NRIP1: variants seen among roughly 807,000 people sequenced by gnomAD.
NRIP1 encodes nuclear receptor interacting protein 1.
NRIP1 carries 28 observed loss-of-function variants against 75.0 expected under a neutral mutation model. That is an observed-to-expected ratio of 0.37 (90% CI 0.28 to 0.51). NRIP1 has a LOEUF of 0.51. Among genes scored for constraint, NRIP1 ranks in the 20% least tolerant of loss-of-function variants. NRIP1 has a pLI of 0.92. For missense variants in NRIP1, 1,435 were observed against 1,343.7 expected (o/e 1.07, Z -1.06); for synonymous variants, 526 against 487.6 (o/e 1.08, Z -1.04).
At chr21:14,987,286 T>C (rs549228966) in intron 3 of NRIP1, among the ~76,000 whole-genome samples, 31 of 152,344 alleles carry the variant, frequency 2.0e-4, no homozygotes, top group African/African-American at 6.7e-4. Context: ...TCACATAGCC[T>C]AGCCACAGAG....
At chr21:15,007,936 A>G (rs1373179795) in intron 3 of NRIP1, among the ~76,000 whole-genome samples, 1 of 152,222 alleles carries the variant, frequency 6.6e-6, no homozygotes, top group Non-Finnish European at 1.5e-5. Context: ...AAACACTACG[A>G]GTAAAAACAG....
In NRIP1 at chr21:15,030,826, TAC is replaced by T. The variant is rs749139753; in HGVS notation, c.-458+12667_-458+12668del. Among the ~76,000 whole-genome samples, 22 of 146,136 alleles carry T rather than the reference TAC, an allele frequency of 1.5e-4. No individual in the cohort carries two copies. In the East Asian group the frequency reaches 1.7e-3, roughly 12 times the overall value. ...TCACGACATTCCCTTTCTATGTGTA[TAC>T]ACTCTGGAAGGCGGTTGGAGGATCA... On this transcript the variant is annotated intron_variant, in intron 2 of 3. Transcript: ENST00000318948.
Position 14,964,767 on chromosome 21 carries a change from T to C in NRIP1, c.3426A>G (p.Glu1142=), listed in dbSNP as rs201308622. 5.6e-4 allele frequency: 890 copies of C among 1,584,494 alleles called. 13 individuals carry two copies. The South Asian group carries it at 9.6e-3, about 17-fold the overall frequency. Residue 1142 remains glutamate (E), a synonymous_variant, in exon 4 of 4, where the codon GAA becomes GAG. Coordinates refer to ENST00000318948, the MANE Select transcript of NRIP1 (RefSeq NM_003489.4). ...GCACGCTTCCCAGAAGTCCATAAAC[T>C]TCTCCATTTGCGCTGTGTGGGCGAG... ...NASRPHSANG[E]VYGLLGSVLT...
At position 15,037,363 on chromosome 21, in the gene NRIP1, A is replaced by G. The variant is rs17000797; in HGVS notation, c.-458+6132T>C. Among the ~76,000 whole-genome samples, 1,047 of 152,314 alleles carry G rather than the reference A, an allele frequency of 6.9e-3. 7 individuals are homozygous for G. Among genetic ancestry groups the G allele is most frequent in the African/African-American group, 0.023 (957 of 41,574 alleles). On this transcript the variant is annotated intron_variant, in intron 2 of 3. Transcript: ENST00000318948. ...TTGATCGTTTCTAAGCTTTAAAATT[A>G]TATCAGGACACACTCTGGAGTTGTG...
rs1429671781 is a variant in NRIP1 at position 14,965,372 on chromosome 21, G to C, written c.2821C>G (p.Leu941Val). The change falls in exon 4 of 4, where the codon CTC becomes GTC. Residue 941 changes from leucine (L) to valine (V), a missense_variant. Coordinates refer to ENST00000318948, the MANE Select transcript of NRIP1 (RefSeq NM_003489.4). ...AAATCTCGCACACAGTTTTCTGAGA[G>C]AAGCAGCTGTTTCAGAACATTAAAG... ...KSFNVLKQLLLSENCVRDLSP... is the reference protein window; with the variant it reads ...KSFNVLKQLLVSENCVRDLSP... 1 of 1,613,948 alleles carries C rather than the reference G, an allele frequency of 6.2e-7. No individual in the cohort carries two copies. The highest frequency in any genetic ancestry group is 1.7e-5 in the Admixed American group (1 of 59,990).
chr21:15,065,028 A>ACCGC (rs962900465), upstream of NRIP1: 19 of 152,184 alleles, frequency 1.2e-4, no homozygotes, highest in South Asian at 1.8e-4. Flanking sequence ...CGCCTCGCTC[A>ACCGC]CCGCCCGCCC....
At chr21:15,056,983 C>G (rs186512734) in intron 1 of NRIP1, among the ~76,000 whole-genome samples, 1 of 152,134 alleles carries the variant, frequency 6.6e-6, no homozygotes, top group South Asian at 2.1e-4. Context: ...ACAAAGCTCC[C>G]CCACTCAACA....
At chr21:15,025,825 G>A (rs187346230) in intron 2 of NRIP1, among the ~76,000 whole-genome samples, 17 of 152,274 alleles carry the variant, frequency 1.1e-4, no homozygotes, top group Admixed American at 5.2e-4. Context: ...ATTACGGGCC[G>A]ACATGGTCTT....
chr21:15,006,699 C>A (rs1432910558), intron 3 of NRIP1, among the ~76,000 whole-genome samples: 1 of 152,192 alleles, frequency 6.6e-6, no homozygotes, highest in Admixed American at 6.5e-5. Flanking sequence ...GTGATAACCA[C>A]ACTTTCACTC....
At chr21:15,000,549 T>TA (rs2087827307) in intron 3 of NRIP1, among the ~76,000 whole-genome samples, 1 of 152,208 alleles carries the variant, frequency 6.6e-6, no homozygotes, top group Admixed American at 6.5e-5. Context: ...ACTTGGCTAA[T>TA]TATTAACCAT....
intron 2 of NRIP1, among the ~76,000 whole-genome samples, chr21:15,026,370 T>TA (rs2088521349): frequency 1.3e-5 from 2 of 152,284 alleles, no homozygotes; most frequent in East Asian, 3.9e-4. Context: ...TGGAAAAAGT[T>TA]AAAAAGTCTG....
intron 3 of NRIP1, among the ~76,000 whole-genome samples, chr21:15,004,744 C>A (rs1244675673): frequency 6.6e-6 from 1 of 152,136 alleles, no homozygotes; most frequent in Non-Finnish European, 1.5e-5. Flanking sequence ...CTTCCTACAT[C>A]AGTTCTTTGA....
Position 14,961,995 on chromosome 21 carries a change from AATATATATATATATACATATTAT to A in NRIP1, c.*2698_*2720del, listed in dbSNP as rs1432369919. On this transcript the variant is annotated 3_prime_UTR_variant, in exon 4 of 4. Coordinates refer to ENST00000318948, the MANE Select transcript of NRIP1 (RefSeq NM_003489.4). ...TTTTAACATCTTCATGTAACAAGTC[AATATATATATATATACATATTAT>A]ATATATATATATATATATATATATA... The A allele has an allele frequency of 8.1e-6, 1 of 122,928 alleles. No individual in the cohort carries two copies. Among genetic ancestry groups the A allele is most frequent in the Non-Finnish European group, 1.6e-5 (1 of 61,426 alleles). The allele number at this position is 122,928 out of a possible 1,614,324, so 7.6% of individuals were successfully genotyped here. A position where few individuals can be genotyped will look rare whatever the true frequency, so the allele number is the denominator to read the frequency against.
intron 2 of NRIP1, among the ~76,000 whole-genome samples, chr21:15,032,715 T>C (rs2088735008): frequency 6.6e-6 from 1 of 152,140 alleles, no homozygotes; most frequent in African/African-American, 2.4e-5. Flanking sequence ...TCAGATCCAA[T>C]CCCTGCTTCC....
chr21:15,052,257 C>T (rs2089216745), intron 1 of NRIP1: 1 of 152,146 alleles, frequency 6.6e-6, no homozygotes, highest in African/African-American at 2.4e-5. Context: ...CTTTAATCTC[C>T]ATGGTGCTTC....
chr21:14,965,220 G>A lies in NRIP1; in HGVS notation c.2973C>T (p.Pro991=), dbSNP rs1265393761. ...ATGTCCTGTTATCCATGCAACTGCT[G>A]GGCTGAGTGGAACTGTACATCAGTC... ...LNGLMYSSTQ[P]SSCMDNRTFS... Residue 991 remains proline (P), a synonymous_variant, in exon 4 of 4, where the codon CCC becomes CCT. Transcript: ENST00000318948. 5 of 1,613,776 alleles carry A rather than the reference G, an allele frequency of 3.1e-6. No individual in the cohort carries two copies. Among genetic ancestry groups the A allele is most frequent in the Non-Finnish European group, 3.4e-6 (4 of 1,179,938 alleles).
chr21:15,063,229 G>A (rs905458956), intron 1 of NRIP1, among the ~76,000 whole-genome samples: 9 of 152,134 alleles, frequency 5.9e-5, no homozygotes, highest in Non-Finnish European at 7.3e-5. Context: ...AGTTACTGTA[G>A]GTGATGAAGC....
chr21:14,968,096 A>G lies in NRIP1; in HGVS notation c.97T>C (p.Ser33Pro). ...GLLMHQAAGGSGTAVDKKSAG... is the reference protein window; with the variant it reads ...GLLMHQAAGGPGTAVDKKSAG... ...GACTTTTTGTCAACGGCAGTACCTG[A>G]TCCCCCTGCTGCCTGATGCATTAGT... Residue 33 changes from serine to proline, a missense_variant, in exon 4 of 4, where the codon TCA (serine) becomes CCA (proline). By Grantham distance (74) the Ser-to-Pro change is moderately conservative. Transcript: ENST00000318948. The G allele has an allele frequency of 6.2e-7, 1 of 1,614,040 alleles. No individual in the cohort carries two copies. The highest frequency in any genetic ancestry group is 1.3e-5 in the African/African-American group (1 of 75,040).
At position 14,961,579 on chromosome 21, in the gene NRIP1, C is replaced by A. The variant is rs187758407; in HGVS notation, c.*3137G>T. The A allele has an allele frequency of 4.5e-4, 69 of 152,478 alleles. No homozygotes were observed. Among genetic ancestry groups the A allele is most frequent in the African/African-American group, 1.6e-3 (67 of 41,522 alleles). The allele number at this position is 152,478 out of a possible 1,614,324, so 9.4% of individuals were successfully genotyped here. A position where few individuals can be genotyped will look rare whatever the true frequency, so the allele number is the denominator to read the frequency against. On this transcript the variant is annotated 3_prime_UTR_variant, in exon 4 of 4. Coordinates refer to ENST00000318948, the MANE Select transcript of NRIP1 (RefSeq NM_003489.4). ...AAAGTGGTTGACGATTAAAAAAATT[C>A]TTTAAGACCCTTCGAATCAAAGCAC...
Sources: allele counts gnomAD v4.1 joint callset (sites outside exome capture counted in the v4.1 genomes callset), GRCh38; gene constraint gnomAD v4.1.1; transcripts MANE v1.5; gene names NCBI Gene and HGNC (gene_info 2026-07-23, HGNC 2026-07-21).